The following TAFA2 variants were observed in gnomAD, a reference collection of about 807,000 sequenced individuals.
The protein encoded by TAFA2 is chemokine-like protein TAFA-2.
A neutral mutation model predicts 18.8 loss-of-function variants in TAFA2; 7 were observed. The ratio of observed to expected loss-of-function variants is 0.37; its 90% CI spans 0.21 to 0.70. TAFA2 has a LOEUF of 0.70. TAFA2 is among the 30% of genes least tolerant of loss of function. The pLI, the probability that TAFA2 is intolerant of heterozygous loss-of-function variation, is 0.53. For missense variants in TAFA2, 122 were observed against 158.1 expected (o/e 0.77, Z 1.23); for synonymous variants, 60 against 54.2 (o/e 1.11, Z -0.47).
At chr12:62,099,832 C>T (rs953937561) in intron 1 of TAFA2, among the ~76,000 whole-genome samples, 2 of 152,066 alleles carry the variant, frequency 1.3e-5, no homozygotes, top group Admixed American at 6.6e-5. Context: ...AAGTAACTTG[C>T]CCACATCACT....
chr12:61,895,885 G>A (rs770886494), intron 1 of TAFA2, among the ~76,000 whole-genome samples: 3 of 152,002 alleles, frequency 2.0e-5, no homozygotes, highest in African/African-American at 4.8e-5. Flanking sequence ...CTAAAGATAC[G>A]TGTCAGAAAA....
At chr12:61,770,046 A>G (rs969330309) in intron 2 of TAFA2, among the ~76,000 whole-genome samples, 1 of 152,108 alleles carries the variant, frequency 6.6e-6, no homozygotes. Flanking sequence ...TAAACAAAAA[A>G]CAATCAGAAC....
chr12:61,958,562 T>C (rs1049271171), intron 1 of TAFA2, among the ~76,000 whole-genome samples: 3 of 152,036 alleles, frequency 2.0e-5, no homozygotes, highest in Admixed American at 2.0e-4. Context: ...TTGCATTTCC[T>C]ACATATATAT....
At chr12:62,123,810 A>ACACACACACACACACACACACACC (rs1241267899) in intron 1 of TAFA2, among the ~76,000 whole-genome samples, 6 of 150,586 alleles carry the variant, frequency 4.0e-5, no homozygotes, top group Non-Finnish European at 8.9e-5. Flanking sequence ...ACACACACAC[A>ACACACACACACACACACACACACC]CACCACCTTT....
chr12:61,870,924 C>G (rs1874574002), intron 1 of TAFA2, among the ~76,000 whole-genome samples: 1 of 152,162 alleles, frequency 6.6e-6, no homozygotes, highest in African/African-American at 2.4e-5. Context: ...TTCCTAAAGA[C>G]AGCAACTGTG....
intron 1 of TAFA2, among the ~76,000 whole-genome samples, chr12:62,204,294 A>G (rs909313059): frequency 6.6e-6 from 1 of 151,998 alleles, no homozygotes; most frequent in African/African-American, 2.4e-5. Context: ...TCGACCTTGG[A>G]GAATCTGATG....
intron 1 of TAFA2, among the ~76,000 whole-genome samples, chr12:62,124,024 G>A (rs758136362): frequency 6.6e-6 from 1 of 152,140 alleles, no homozygotes; most frequent in East Asian, 1.9e-4. Context: ...AAACAGAAAA[G>A]ATTTAGAAGT....
intron 1 of TAFA2, among the ~76,000 whole-genome samples, chr12:61,973,375 C>T (rs1879315925): frequency 6.9e-6 from 1 of 145,628 alleles, no homozygotes; most frequent in Non-Finnish European, 1.5e-5. Context: ...GTTCTGATTT[C>T]CTTGGAAAAT....
intron 1 of TAFA2, among the ~76,000 whole-genome samples, chr12:62,211,901 A>G (rs184736053): frequency 6.6e-6 from 1 of 152,292 alleles, no homozygotes; most frequent in East Asian, 1.9e-4. Flanking sequence ...TTTCTCTTCC[A>G]CTGAAAAAAG....
At chr12:61,948,819 C>G (rs980814799) in intron 1 of TAFA2, among the ~76,000 whole-genome samples, 1 of 152,164 alleles carries the variant, frequency 6.6e-6, no homozygotes, top group Non-Finnish European at 1.5e-5. Flanking sequence ...CGTCTTAGCT[C>G]TAGAGCCCAT....
At chr12:61,919,157 C>A (rs1047420891) in intron 1 of TAFA2, among the ~76,000 whole-genome samples, 1 of 152,156 alleles carries the variant, frequency 6.6e-6, no homozygotes, top group East Asian at 1.9e-4. Flanking sequence ...TAATGACAAC[C>A]TTTCCTTCTT....
At chr12:61,924,557 C>T (rs61199336) in intron 1 of TAFA2, among the ~76,000 whole-genome samples, 88 of 152,202 alleles carry the variant, frequency 5.8e-4, no homozygotes, top group African/African-American at 2.0e-3. Flanking sequence ...TTTGTCACCA[C>T]CAGGCCTGCC....
intron 1 of TAFA2, among the ~76,000 whole-genome samples, chr12:61,962,156 T>C (rs564244158): frequency 2.6e-5 from 4 of 152,200 alleles, no homozygotes; most frequent in African/African-American, 9.6e-5. Context: ...GTAGTTAATG[T>C]AGAACTTCCA....
chr12:61,985,766 T>C (rs535789429), intron 1 of TAFA2, among the ~76,000 whole-genome samples: 1 of 152,340 alleles, frequency 6.6e-6, no homozygotes, highest in African/African-American at 2.4e-5. Flanking sequence ...CACGGAATTA[T>C]GATTTTCAGC....
chr12:62,244,948 C>G (rs1357439786), intron 1 of TAFA2, among the ~76,000 whole-genome samples: 1 of 152,044 alleles, frequency 6.6e-6, no homozygotes, highest in Admixed American at 6.6e-5. Flanking sequence ...GTAATACTCA[C>G]TTCAAATATC....
intron 1 of TAFA2, among the ~76,000 whole-genome samples, chr12:61,941,473 C>G (rs1267002562): frequency 6.6e-6 from 1 of 152,206 alleles, no homozygotes; most frequent in African/African-American, 2.4e-5. Flanking sequence ...ATAGGAACAG[C>G]TCCAGTCTAC....
rs575601705 is a variant in TAFA2, at chr12:62,155,122, C to T, written c.-2+36137G>A. ...TTTCCAGATACAAGATTAATGTACA[C>T]AAATCAGTAGCTCTTCTATACACCA... On this transcript the variant is annotated intron_variant, in intron 1 of 4. Coordinates refer to ENST00000416284, the MANE Select transcript of TAFA2 (RefSeq NM_178539.5). Among the ~76,000 whole-genome samples, 17 of 152,290 alleles carry T rather than the reference C, an allele frequency of 1.1e-4. No homozygotes were observed. The South Asian group carries it at 2.9e-3, about 26-fold the overall frequency.
At chr12:61,859,602 C>A (rs1415118055) in intron 2 of TAFA2, among the ~76,000 whole-genome samples, 1 of 152,110 alleles carries the variant, frequency 6.6e-6, no homozygotes, top group Admixed American at 6.5e-5. Context: ...CGCCACCATG[C>A]CCAGCTAATC....
chr12:62,202,277 G>A (rs995281266), intron 1 of TAFA2, among the ~76,000 whole-genome samples: 52 of 150,734 alleles, frequency 3.4e-4, no homozygotes, highest in Non-Finnish European at 8.9e-5. Flanking sequence ...TCTTCTGCTA[G>A]CTTTGGGGTT....
Sources: allele counts gnomAD v4.1 joint callset (sites outside exome capture counted in the v4.1 genomes callset), GRCh38; gene constraint gnomAD v4.1.1; transcripts MANE v1.5; gene names NCBI Gene and HGNC (gene_info 2026-07-23, HGNC 2026-07-21).